The following COL11A1 variants were observed in gnomAD, a reference collection of about 807,000 sequenced individuals.
COL11A1 encodes collagen type XI alpha 1 chain, also known as collagen alpha-1(XI) chain.
COL11A1 carries 74 observed loss-of-function variants against 265.2 expected under a neutral mutation model. That is an observed-to-expected ratio of 0.28 (90% confidence interval 0.23 to 0.34). The LOEUF (loss-of-function observed/expected upper bound fraction) is 0.34, where lower values mean the gene tolerates loss of function less well. COL11A1 is among the 10% of genes least tolerant of loss of function. The pLI, the probability that COL11A1 is intolerant of heterozygous loss-of-function variation, is 1.00. For missense variants in COL11A1, 2,165 were observed against 2,263.6 expected, an observed-to-expected ratio of 0.96 and a Z score of 0.88; for synonymous variants, 816 against 727.6, an observed-to-expected ratio of 1.12 and a Z score of -1.96.
chr1:102,971,035 A>AAAC (rs776688627), intron 36 of COL11A1, among the ~76,000 whole-genome samples: 1 of 151,846 alleles, frequency 6.6e-6, no homozygotes, highest in African/African-American at 2.4e-5. Context: ...ACAAAAAAAA[A>AAAC]CCAAGAATGC....
chr1:103,032,578 AG>A (rs1275378338), intron 4 of COL11A1, among the ~76,000 whole-genome samples: 35 of 152,212 alleles, frequency 2.3e-4, no homozygotes, highest in African/African-American at 8.2e-4. Context: ...GTGCCAAGAA[AG>A]GAATAAGTTA....
At position 103,007,169 on chromosome 1, in the gene COL11A1, A is replaced by T. The variant is rs7532476; in HGVS notation, c.1684-854T>A. 3.5e-3 allele frequency among the ~76,000 whole-genome samples: 534 copies of T among 152,278 alleles called. 5 individuals are homozygous for T. Among genetic ancestry groups the T allele is most frequent in the African/African-American group, 0.012 (519 of 41,560 alleles). On this transcript the variant is annotated intron_variant, in intron 15 of 66. Transcript: ENST00000370096. The stretch of plus-strand genomic sequence containing the variant: ...TAAAATTTAGCACAGTGCCTGGTAC[A>T]CATCTCTTTTAATTAGCTACAAAAT...
At chr1:103,022,453 T>C (rs1452256678) in intron 8 of COL11A1, among the ~76,000 whole-genome samples, 1 of 152,154 alleles carries the variant, frequency 6.6e-6, no homozygotes, top group Non-Finnish European at 1.5e-5. Flanking sequence ...ACTTGCTACT[T>C]GGAATAAAAA....
intron 28 of COL11A1, among the ~76,000 whole-genome samples, chr1:102,991,522 A>G (rs1020566796): frequency 1.3e-5 from 2 of 151,996 alleles, no homozygotes; most frequent in Non-Finnish European, 2.9e-5. Context: ...TGTGGCCTTC[A>G]CTGAATAATT....
chr1:102,927,661 C>A (rs192030529), intron 46 of COL11A1, among the ~76,000 whole-genome samples: 46 of 151,128 alleles, frequency 3.0e-4, no homozygotes, highest in East Asian at 9.7e-4. Context: ...AAAAAAAAAA[C>A]CAAAAACCCA....
At chr1:102,929,405 T>C (rs1254932351) in intron 46 of COL11A1, among the ~76,000 whole-genome samples, 1 of 152,050 alleles carries the variant, frequency 6.6e-6, no homozygotes, top group Non-Finnish European at 1.5e-5. Context: ...TAGTTGTAGA[T>C]ATGCGGCATT....
At chr1:103,059,377 C>T (rs553491044) in intron 4 of COL11A1, among the ~76,000 whole-genome samples, 3 of 152,050 alleles carry the variant, frequency 2.0e-5, no homozygotes, top group South Asian at 2.1e-4. Flanking sequence ...GAGTCCTTCC[C>T]GTTTCACCTT....
chr1:103,069,785 C>T lies in COL11A1; in HGVS notation c.651+4833G>A, dbSNP rs189062896. On this transcript the variant is annotated intron_variant, in intron 4 of 66. Transcript: ENST00000370096. ...TCACAAAACAATATGCATAAATGGC[C>T]CACAAGAACCTGGCAAAATGCAGAC... 2.0e-5 allele frequency among the ~76,000 whole-genome samples: 3 copies of T among 151,614 alleles called. No homozygotes were observed. The East Asian group carries it at 5.8e-4, about 29-fold the overall frequency.
intron 18 of COL11A1, 41 bp from the exon 19 acceptor site, chr1:103,004,702 G>A (rs1571005128): frequency 6.5e-7 from 1 of 1,536,798 alleles, no homozygotes; most frequent in Non-Finnish European, 9.0e-7. Context: ...ATGGAAAGAA[G>A]TAGAATGTTT....
intron 36 of COL11A1, among the ~76,000 whole-genome samples, chr1:102,971,080 ATC>A (rs1453195893): frequency 6.6e-6 from 1 of 152,072 alleles, no homozygotes; most frequent in Non-Finnish European, 1.5e-5. Flanking sequence ...ATGGCATTTT[ATC>A]TCTCAAATTT....
intron 54 of COL11A1, among the ~76,000 whole-genome samples, chr1:102,901,643 T>C (rs1022038196): frequency 3.3e-5 from 5 of 152,292 alleles, no homozygotes; most frequent in African/African-American, 1.2e-4. Flanking sequence ...AAGTAATGAG[T>C]GTTCTTATTG....
chr1:102,891,269 C>T lies in COL11A1; in HGVS notation c.4303-765G>A, dbSNP rs566953341. ...TTCATGAAGAAGTTAGAGATCATGACTATTAATTTCTCTAAGCTAAAGTAT... is the reference window on the plus strand; with the variant it reads ...TTCATGAAGAAGTTAGAGATCATGATTATTAATTTCTCTAAGCTAAAGTAT... On this transcript the variant is annotated intron_variant, in intron 57 of 66. Transcript: ENST00000370096. Among the ~76,000 whole-genome samples the T allele has an allele frequency of 2.0e-5, 3 of 152,166 alleles. No individual in the cohort carries two copies. The East Asian group carries it at 5.8e-4, about 29-fold the overall frequency.
chr1:102,878,749 T>C (rs1195212202), intron 66 of COL11A1, among the ~76,000 whole-genome samples: 1 of 151,694 alleles, frequency 6.6e-6, no homozygotes, highest in Non-Finnish European at 1.5e-5. Flanking sequence ...CCTCAGGTGA[T>C]CTGCCCGCCA....
intron 4 of COL11A1, among the ~76,000 whole-genome samples, chr1:103,067,403 T>TA (rs571155242): frequency 2.2e-4 from 33 of 151,568 alleles, no homozygotes; most frequent in African/African-American, 7.2e-4. Flanking sequence ...GGAAATAAAA[T>TA]AAAAAAAGAA....
intron 9 of COL11A1, 82 bp downstream of exon 9, chr1:103,021,625 C>A: frequency 1.1e-6 from 1 of 905,724 alleles, no homozygotes; most frequent in Non-Finnish European, 1.9e-6. Context: ...TGGTAAAACA[C>A]GAACATACAT....
At chr1:102,973,624 G>T (rs1472406377) in intron 36 of COL11A1, among the ~76,000 whole-genome samples, 2 of 152,138 alleles carry the variant, frequency 1.3e-5, no homozygotes, top group Non-Finnish European at 2.9e-5. Context: ...ACTTTGCAGA[G>T]TCTTCATGTT....
intron 41 of COL11A1, among the ~76,000 whole-genome samples, chr1:102,950,195 T>C (rs1412537411): frequency 1.3e-5 from 2 of 152,010 alleles, no homozygotes; most frequent in East Asian, 3.9e-4. Flanking sequence ...GACAGGAGGG[T>C]CACCTGAGCC....
chr1:103,044,522 G>A (rs1043605668), intron 4 of COL11A1, among the ~76,000 whole-genome samples: 3 of 151,914 alleles, frequency 2.0e-5, no homozygotes, highest in Non-Finnish European at 4.4e-5. Context: ...AAAACTGTAC[G>A]TTTATCTTAT....
rs1349146025 is a variant in COL11A1, at chr1:103,081,145, C to T, written c.274+1660G>A. 2.0e-5 allele frequency among the ~76,000 whole-genome samples: 3 copies of T among 151,742 alleles called. No homozygotes were observed. The East Asian group carries it at 5.8e-4, about 29-fold the overall frequency. On this transcript the variant is annotated intron_variant, in intron 2 of 66. Coordinates refer to ENST00000370096, the MANE Select transcript of COL11A1 (RefSeq NM_001854.4). ...CAGTCAGATAATGTTGATTATATGG[C>T]TCTTATCACTTAAATATATAGTATT...
Sources: allele counts gnomAD v4.1 joint callset (sites outside exome capture counted in the v4.1 genomes callset), GRCh38; gene constraint gnomAD v4.1.1; transcripts MANE v1.5; gene names NCBI Gene and HGNC (gene_info 2026-07-23, HGNC 2026-07-21).